CRB1: variants seen among roughly 807,000 people sequenced by gnomAD.
CRB1 encodes crumbs cell polarity complex component 1, also known as protein crumbs homolog 1.
CRB1 carries 83 observed loss-of-function variants against 120.0 expected under a neutral mutation model. The observed-to-expected ratio is 0.69, with a 90% confidence interval of 0.58 to 0.83. The LOEUF is 0.83. Among genes scored for constraint, CRB1 ranks in the 40% least tolerant of loss-of-function variants. The probability of loss-of-function intolerance (pLI) is 0.00; values close to 1 mark genes in which losing one functional copy is unlikely to be tolerated. For missense variants in CRB1, 1,699 were observed against 1,687.6 expected (o/e 1.01, Z -0.12); for synonymous variants, 625 against 612.5 (o/e 1.02, Z -0.30).
intron 1 of CRB1, among the ~76,000 whole-genome samples, chr1:197,320,668 G>C (rs1283852807): frequency 6.6e-6 from 1 of 152,152 alleles, no homozygotes; most frequent in Non-Finnish European, 1.5e-5. Context: ...TGGGGATCAA[G>C]TTTGGTTGAC....
chr1:197,470,337 G>T (rs1251529686), intron 11 of CRB1, among the ~76,000 whole-genome samples: 2 of 152,110 alleles, frequency 1.3e-5, no homozygotes, highest in African/African-American at 4.8e-5. Flanking sequence ...GGATGGTCAG[G>T]GAAGGTCTCC....
intron 2 of CRB1, among the ~76,000 whole-genome samples, chr1:197,342,017 C>T (rs796263908): frequency 3.3e-5 from 5 of 152,252 alleles, no homozygotes; most frequent in African/African-American, 1.2e-4. Context: ...TGAGGAAAAG[C>T]AAACAGTCTG....
At chr1:197,379,188 AT>A (rs1255489312) in intron 5 of CRB1, among the ~76,000 whole-genome samples, 1 of 152,220 alleles carries the variant, frequency 6.6e-6, no homozygotes, top group African/African-American at 2.4e-5. Flanking sequence ...CTGAAGATCA[AT>A]GTTCTAATGG....
chr1:197,340,634 T>C (rs985226085), intron 2 of CRB1, among the ~76,000 whole-genome samples: 23 of 152,088 alleles, frequency 1.5e-4, no homozygotes, highest in Non-Finnish European at 5.9e-5. Flanking sequence ...AGAGAGATGA[T>C]GAGATCTGAT....
In CRB1 at chr1:197,435,337, T is replaced by C. The variant is rs1478731919; in HGVS notation, c.3474T>C (p.Tyr1158=). The change falls in exon 9 of 12, where the codon TAT becomes TAC. Residue 1158 remains tyrosine, a synonymous_variant. Transcript: ENST00000367400. The part of the protein sequence containing the change: ...CLHGGNCEDI[Y]SSYHCSCPLG... ...ATGGAGGAAACTGTGAAGACATCTA[T>C]AGCTCTTATCATTGCTCCTGTCCCT... The C allele has an allele frequency of 6.2e-7, 1 of 1,613,790 alleles. No individual in the cohort carries two copies. The highest frequency in any genetic ancestry group is 1.1e-5 in the South Asian group (1 of 91,076).
At chr1:197,464,584 C>G (rs1478065331) in intron 11 of CRB1, among the ~76,000 whole-genome samples, 1 of 151,892 alleles carries the variant, frequency 6.6e-6, no homozygotes, top group Non-Finnish European at 1.5e-5. Context: ...TTTGAACATT[C>G]AATTCTATGT....
chr1:197,291,422 G>A (rs1045387135), intron 1 of CRB1, among the ~76,000 whole-genome samples: 2 of 151,608 alleles, frequency 1.3e-5, no homozygotes, highest in African/African-American at 2.4e-5. Flanking sequence ...AAGATTAGTT[G>A]GTTACATGTT....
intron 5 of CRB1, among the ~76,000 whole-genome samples, chr1:197,395,511 A>G (rs1487465258): frequency 4.6e-5 from 7 of 152,184 alleles, no homozygotes; most frequent in Admixed American, 4.6e-4. Context: ...AAGTTGGAAC[A>G]TGAGATAAAT....
chr1:197,379,153 C>G (rs972244679), intron 5 of CRB1, among the ~76,000 whole-genome samples: 1 of 151,932 alleles, frequency 6.6e-6, no homozygotes, highest in Non-Finnish European at 1.5e-5. Context: ...GTCTTTCCAA[C>G]CAAAGATGTA....
the CRB1 span, chr1:197,222,582 T>G: frequency 2.6e-6 from 2 of 769,426 alleles, no homozygotes; most frequent in African/African-American, 3.4e-5. Flanking sequence ...TCCTGTTGTT[T>G]TGCAGTTGGC....
At chr1:197,395,959 CT>C (rs1253489767) in intron 5 of CRB1, among the ~76,000 whole-genome samples, 2 of 152,162 alleles carry the variant, frequency 1.3e-5, no homozygotes, top group African/African-American at 4.8e-5. Context: ...ATTCTTACCA[CT>C]TCTATTCTAC....
the CRB1 span, among the ~76,000 whole-genome samples, chr1:197,245,165 C>T: frequency 3.3e-5 from 5 of 152,038 alleles, no homozygotes; most frequent in Admixed American, 6.6e-5. Flanking sequence ...CACCCATTAA[C>T]TCGTCATTGA....
At chr1:197,359,462 A>AG (rs1313771172) in intron 5 of CRB1, among the ~76,000 whole-genome samples, 1 of 152,136 alleles carries the variant, frequency 6.6e-6, no homozygotes, top group Non-Finnish European at 1.5e-5. Flanking sequence ...TATATATCAA[A>AG]GATTTTTTAA....
At chr1:197,232,514 G>C in the CRB1 span, among the ~76,000 whole-genome samples, 1 of 152,142 alleles carries the variant, frequency 6.6e-6, no homozygotes, top group African/African-American at 2.4e-5. Context: ...AGAACATGGT[G>C]TCCTTAGGGG....
chr1:197,349,441 T>G (rs902367357), intron 4 of CRB1, among the ~76,000 whole-genome samples: 1 of 152,234 alleles, frequency 6.6e-6, no homozygotes, highest in African/African-American at 2.4e-5. Flanking sequence ...CTATCTCCTC[T>G]TGCTTTATTT....
the CRB1 span, among the ~76,000 whole-genome samples, chr1:197,208,114 C>A: frequency 2.0e-5 from 3 of 151,672 alleles, no homozygotes; most frequent in African/African-American, 7.3e-5. Flanking sequence ...GAAGATTGTT[C>A]CCTTCATATC....
In CRB1 at chr1:197,478,164, G is replaced by A; in HGVS notation, c.*285G>A. 2.4e-6 allele frequency: 1 copy of A among 421,408 alleles called. No individual in the cohort carries two copies. Among genetic ancestry groups the A allele is most frequent in the South Asian group, 2.4e-5 (1 of 41,386 alleles). 26.1% of individuals were successfully genotyped at this position (421,408 alleles called of 1,614,324 possible). On this transcript the variant is annotated 3_prime_UTR_variant, in exon 12 of 12. Coordinates refer to ENST00000367400, the MANE Select transcript of CRB1 (RefSeq NM_201253.3). ...GAATAAAGTCTTCTGTGGCTTTAGT[G>A]GCTATCACTGAAACTCTTTCCTCTT... is the stretch of plus-strand genomic sequence containing the variant.
intron 5 of CRB1, among the ~76,000 whole-genome samples, chr1:197,379,631 C>T (rs1661842743): frequency 4.0e-5 from 5 of 124,696 alleles, no homozygotes; most frequent in East Asian, 4.1e-4. Context: ...AAAAAAAAAC[C>T]ATTTTTCTAG....
At chr1:197,221,512 T>C in the CRB1 span, among the ~76,000 whole-genome samples, 1 of 152,172 alleles carries the variant, frequency 6.6e-6, no homozygotes, top group African/African-American at 2.4e-5. Context: ...AAAAATAATT[T>C]TACTAGCAGT....
Sources: gnomAD v4.1 joint callset for allele counts (sites outside exome capture counted in the v4.1 genomes callset) on GRCh38, gnomAD v4.1.1 for gene constraint, MANE v1.5 for transcripts, NCBI Gene and HGNC (gene_info 2026-07-23, HGNC 2026-07-21) for gene names.